Variants in FAM168B observed in about 807,000 individuals in gnomAD.
FAM168B encodes myelin-associated neurite-outgrowth inhibitor.
FAM168B carries 19 observed loss-of-function variants against 21.8 expected under a neutral mutation model. That is an observed-to-expected ratio of 0.87 (90% CI 0.61 to 1.28). The LOEUF is 1.28. Among genes scored for constraint, FAM168B ranks in the 50% most tolerant of loss-of-function variants. The pLI, the probability that FAM168B is intolerant of heterozygous loss-of-function variation, is 0.00. For synonymous variants in FAM168B, 126 were observed against 104.8 expected, an observed-to-expected ratio of 1.20 and a Z score of -1.24; for missense variants, 233 against 263.1, an observed-to-expected ratio of 0.89 and a Z score of 0.79.
chr2:131,088,278 T>C (rs1447264494), intron 1 of FAM168B, among the ~76,000 whole-genome samples: 1 of 151,952 alleles, frequency 6.6e-6, no homozygotes, highest in Non-Finnish European at 1.5e-5. Context: ...AGCCTTTACA[T>C]CTAACTTCCA....
At chr2:131,059,418 C>T (rs1008986004) in intron 3 of FAM168B, among the ~76,000 whole-genome samples, 1 of 152,162 alleles carries the variant, frequency 6.6e-6, no homozygotes, top group African/African-American at 2.4e-5. Context: ...CACCACCATG[C>T]AGCAGCCAGA....
chr2:131,073,666 C>T (rs1692993401), intron 2 of FAM168B, among the ~76,000 whole-genome samples: 1 of 152,198 alleles, frequency 6.6e-6, no homozygotes, highest in Non-Finnish European at 1.5e-5. Context: ...TGCTCTTGGA[C>T]TTCCCTAACC....
chr2:131,050,454 G>A lies in FAM168B; in HGVS notation c.*2011C>T, dbSNP rs1691591544. ...CAGATGGAATTACCAACAGAGACTT[G>A]AAGAAAGGGGCACAAACTGTGTGCC... On this transcript the variant is annotated 3_prime_UTR_variant, in exon 7 of 7. Transcript: ENST00000389915. 6.1e-6 allele frequency: 6 copies of A among 985,820 alleles called. No homozygotes were observed. The highest frequency in any genetic ancestry group is 7.2e-6 in the Non-Finnish European group (6 of 829,946). 61.1% of individuals were successfully genotyped at this position (985,820 alleles called of 1,614,324 possible). A position where few individuals can be genotyped will look rare whatever the true frequency, so the allele number is the denominator to read the frequency against.
intron 3 of FAM168B, among the ~76,000 whole-genome samples, chr2:131,069,071 C>CA (rs1692722783): frequency 6.6e-6 from 1 of 152,176 alleles, no homozygotes; most frequent in Non-Finnish European, 1.5e-5. Context: ...CACAGGCACC[C>CA]AAGGGGGGAA....
At chr2:131,078,471 G>C (rs1478561329) in intron 2 of FAM168B, among the ~76,000 whole-genome samples, 2 of 152,196 alleles carry the variant, frequency 1.3e-5, no homozygotes, top group Non-Finnish European at 2.9e-5. Context: ...CTTATAGATG[G>C]AGTTCCAGGA....
chr2:131,053,059 C>T, intron 5 of FAM168B, 44 bp from the exon 6 acceptor site: 1 of 1,508,976 alleles, frequency 6.6e-7, no homozygotes, highest in South Asian at 1.3e-5. Flanking sequence ...ACCTCCTGCA[C>T]AGCTCCACAC....
Position 131,049,175 on chromosome 2 carries a change from TG to T in FAM168B, c.*3289del. 5 of 985,450 alleles carry T rather than the reference TG, an allele frequency of 5.1e-6. No individual in the cohort carries two copies. Among genetic ancestry groups the T allele is most frequent in the Non-Finnish European group, 6.0e-6 (5 of 829,938 alleles). The allele number at this position is 985,450 out of a possible 1,614,324, so 61.0% of individuals were successfully genotyped here. ...GTAATAATGTATTTCCTCTCGTTAC[TG>T]TTGTGTCCCCCAAGACACATGCAAA... On this transcript the variant is annotated 3_prime_UTR_variant, in exon 7 of 7. Transcript: ENST00000389915.
chr2:131,071,825 G>T, intron 3 of FAM168B, 30 bp downstream of exon 3: 1 of 1,593,688 alleles, frequency 6.3e-7, no homozygotes, highest in Non-Finnish European at 8.6e-7. Flanking sequence ...CCAGCTGTAC[G>T]TACAAAGCAT....
intron 2 of FAM168B, among the ~76,000 whole-genome samples, chr2:131,073,738 G>C (rs1179876351): frequency 6.6e-6 from 1 of 152,178 alleles, no homozygotes; most frequent in African/African-American, 2.4e-5. Flanking sequence ...TGCTAAAGCA[G>C]CAGAAAACAA....
rs1003210987 is a variant in FAM168B, at chr2:131,077,527, C to G, written c.70+5050G>C. On this transcript the variant is annotated intron_variant, in intron 2 of 6. Coordinates refer to ENST00000389915, the MANE Select transcript of FAM168B (RefSeq NM_001009993.4). ...TGGATTTTCCTATGTGATAGCCCCC[C>G]CAAAATGTTTATGTTCCTAACTCCA... Among the ~76,000 whole-genome samples, 5 of 152,194 alleles carry G rather than the reference C, an allele frequency of 3.3e-5. No homozygotes were observed. The East Asian group carries it at 7.7e-4, about 23-fold the overall frequency.
At chr2:131,064,073 T>C (rs1692436074) in intron 3 of FAM168B, among the ~76,000 whole-genome samples, 1 of 152,186 alleles carries the variant, frequency 6.6e-6, no homozygotes, top group African/African-American at 2.4e-5. Flanking sequence ...CCATCTGTAC[T>C]GATGCAACCC....
At chr2:131,067,665 G>T (rs1024590246) in intron 3 of FAM168B, among the ~76,000 whole-genome samples, 1 of 152,014 alleles carries the variant, frequency 6.6e-6, no homozygotes, top group African/African-American at 2.4e-5. Flanking sequence ...GCTTGGCAGT[G>T]AGCCAAGTTC....
At chr2:131,082,439 G>T in intron 2 of FAM168B, 138 bp downstream of exon 2, 1 of 621,768 alleles carries the variant, frequency 1.6e-6, no homozygotes, top group Non-Finnish European at 2.8e-6. Context: ...CCTATCATTT[G>T]ATTTTTCACT....
intron 3 of FAM168B, among the ~76,000 whole-genome samples, chr2:131,067,832 T>C (rs1692650268): frequency 6.6e-6 from 1 of 152,154 alleles, no homozygotes; most frequent in Non-Finnish European, 1.5e-5. Context: ...TTTATACTGA[T>C]AATTTTGGCT....
intron 1 of FAM168B, among the ~76,000 whole-genome samples, chr2:131,091,186 A>G (rs556110192): frequency 6.6e-6 from 1 of 152,234 alleles, no homozygotes. Flanking sequence ...TAAAAACACA[A>G]ACATTACCTG....
In FAM168B at chr2:131,050,457, G is replaced by C. The variant is rs368499053; in HGVS notation, c.*2008C>G. The C allele has an allele frequency of 1.0e-6, 1 of 985,802 alleles. No individual in the cohort carries two copies. The highest frequency in any genetic ancestry group is 1.2e-6 in the Non-Finnish European group (1 of 829,936). 61.1% of individuals were successfully genotyped at this position (985,802 alleles called of 1,614,324 possible). ...ATGGAATTACCAACAGAGACTTGAA[G>C]AAAGGGGCACAAACTGTGTGCCTGC... On this transcript the variant is annotated 3_prime_UTR_variant, in exon 7 of 7. Transcript: ENST00000389915.
chr2:131,075,208 AG>A (rs1193381254), intron 2 of FAM168B, among the ~76,000 whole-genome samples: 7 of 151,672 alleles, frequency 4.6e-5, no homozygotes, highest in African/African-American at 1.7e-4. Flanking sequence ...AGACCAAGAA[AG>A]GTCTGGAACT....
chr2:131,080,077 A>AT (rs1183127967), intron 2 of FAM168B, among the ~76,000 whole-genome samples: 1 of 151,950 alleles, frequency 6.6e-6, no homozygotes, highest in Non-Finnish European at 1.5e-5. Context: ...AGATCACGCC[A>AT]TTGCACTCCA....
At chr2:131,073,876 A>G (rs964267766) in intron 2 of FAM168B, among the ~76,000 whole-genome samples, 5 of 152,224 alleles carry the variant, frequency 3.3e-5, no homozygotes, top group African/African-American at 1.2e-4. Flanking sequence ...ACGTGCAAAT[A>G]AGCTGACCTT....
Sources: gnomAD v4.1 joint callset for allele counts (sites outside exome capture counted in the v4.1 genomes callset) on GRCh38, gnomAD v4.1.1 for gene constraint, MANE v1.5 for transcripts, NCBI Gene and HGNC (gene_info 2026-07-23, HGNC 2026-07-21) for gene names.